The following RBFOX1 variants were observed in gnomAD, a reference collection of about 807,000 sequenced individuals.
The protein encoded by RBFOX1 is RNA binding protein fox-1 homolog 1.
In RBFOX1, 8 loss-of-function variants were observed where a neutral mutation model predicts 57.7. That is an observed-to-expected ratio of 0.14 (90% CI 0.08 to 0.25). RBFOX1 has a LOEUF of 0.25. RBFOX1 is among the 10% of genes least tolerant of loss of function. The probability of loss-of-function intolerance (pLI) is 1.00; values close to 1 mark genes in which losing one functional copy is unlikely to be tolerated. For missense variants in RBFOX1, 611 were observed against 548.5 expected (o/e 1.11, Z -1.14); for synonymous variants, 326 against 222.4 (o/e 1.47, Z -4.15).
intron 4 of RBFOX1, among the ~76,000 whole-genome samples, chr16:7,302,510 C>G (rs968243013): frequency 1.1e-4 from 17 of 151,950 alleles, no homozygotes; most frequent in Admixed American, 3.3e-4. Context: ...GAGAGAGCCC[C>G]CATCCCCTCT....
At chr16:5,877,966 C>T (rs62017078) in intron 4 of RBFOX1, among the ~76,000 whole-genome samples, 20,614 of 152,214 alleles carry the variant, frequency 0.14, 1,901 homozygotes, top group Non-Finnish European at 0.19. Flanking sequence ...TGTCTCGGCT[C>T]CACCTCCAGA....
intron 14 of RBFOX1, among the ~76,000 whole-genome samples, chr16:7,707,339 T>G (rs540782714): frequency 6.6e-6 from 1 of 152,228 alleles, no homozygotes; most frequent in African/African-American, 2.4e-5. Context: ...GTCAAACATG[T>G]ATTGGATTGG....
Position 5,482,230 on chromosome 16 carries a change from C to G in RBFOX1, c.258+14976C>G, listed in dbSNP as rs74351517. ...GAGCCATGGAGCATCCAGGGTCGGG[C>G]AGCTCAAGCCTTCTTATTTCTCCAG... On this transcript the variant is annotated intron_variant, in intron 2 of 2. Coordinates refer to the RBFOX1 transcript ENST00000585867. Among the ~76,000 whole-genome samples the G allele has an allele frequency of 7.3e-3, 1,115 of 152,292 alleles. 13 individuals are homozygous for G. The highest frequency in any genetic ancestry group is 0.025 in the African/African-American group (1,043 of 41,550).
At chr16:7,353,729 G>T (rs191392739) in intron 4 of RBFOX1, among the ~76,000 whole-genome samples, 1 of 152,240 alleles carries the variant, frequency 6.6e-6, no homozygotes, top group Non-Finnish European at 1.5e-5. Context: ...TGTATGATTC[G>T]ATTTATATGA....
intron 4 of RBFOX1, among the ~76,000 whole-genome samples, chr16:7,202,192 C>A (rs953721907): frequency 6.6e-6 from 1 of 150,966 alleles, no homozygotes; most frequent in Non-Finnish European, 1.5e-5. Flanking sequence ...AAACAAATGG[C>A]CAATAAGCAC....
intron 3 of RBFOX1, among the ~76,000 whole-genome samples, chr16:6,698,425 C>T (rs1568263561): frequency 1.3e-5 from 2 of 152,136 alleles, no homozygotes; most frequent in Non-Finnish European, 2.9e-5. Flanking sequence ...TAAGACCATT[C>T]TTGTGAAGTT....
intron 1 of RBFOX1, among the ~76,000 whole-genome samples, chr16:6,139,116 G>T (rs2096692278): frequency 6.6e-6 from 1 of 152,086 alleles, no homozygotes; most frequent in Non-Finnish European, 1.5e-5. Context: ...AGAGTACTGT[G>T]TCCCAGGCTC....
chr16:5,367,500 C>A (rs903751345), intron 1 of RBFOX1, among the ~76,000 whole-genome samples: 2 of 152,146 alleles, frequency 1.3e-5, no homozygotes, highest in Non-Finnish European at 2.9e-5. Context: ...ATATGGGCAA[C>A]AGGGAAGGAG....
chr16:5,267,380 C>T (rs1390745484), intron 1 of RBFOX1, among the ~76,000 whole-genome samples: 1 of 151,562 alleles, frequency 6.6e-6, no homozygotes, highest in Non-Finnish European at 1.5e-5. Context: ...TCACTGCAAC[C>T]TCCGCCTCCT....
intron 3 of RBFOX1, among the ~76,000 whole-genome samples, chr16:5,649,512 G>A (rs2049163194): frequency 6.6e-6 from 1 of 152,104 alleles, no homozygotes; most frequent in South Asian, 2.1e-4. Flanking sequence ...CCCCACATTG[G>A]CAGTTGTTAT....
At chr16:6,195,034 T>C (rs1400179289) in intron 1 of RBFOX1, among the ~76,000 whole-genome samples, 1 of 152,210 alleles carries the variant, frequency 6.6e-6, no homozygotes, top group Non-Finnish European at 1.5e-5. Context: ...GGCCAGTTTT[T>C]CCTTGCCCCC....
chr16:5,956,688 A>G (rs2059650450), intron 4 of RBFOX1, among the ~76,000 whole-genome samples: 1 of 28,250 alleles, frequency 3.5e-5, no homozygotes, highest in South Asian at 7.8e-4. Flanking sequence ...ATTTTTTTTG[A>G]GGCACAGTCT....
intron 4 of RBFOX1, among the ~76,000 whole-genome samples, chr16:5,999,564 G>T (rs868186962): frequency 6.6e-6 from 1 of 152,162 alleles, no homozygotes; most frequent in Admixed American, 6.5e-5. Flanking sequence ...AGGGTTGGCC[G>T]GGCGCCGCTG....
At chr16:5,342,975 C>A (rs1232698237) in intron 1 of RBFOX1, among the ~76,000 whole-genome samples, 1 of 152,116 alleles carries the variant, frequency 6.6e-6, no homozygotes, top group African/African-American at 2.4e-5. Flanking sequence ...TTCTATTACT[C>A]CAGTGATCGG....
At chr16:6,510,473 G>A (rs772258031) in intron 2 of RBFOX1, among the ~76,000 whole-genome samples, 6 of 152,200 alleles carry the variant, frequency 3.9e-5, no homozygotes, top group Non-Finnish European at 7.3e-5. Context: ...TTTGGTCACA[G>A]AGGAGACCAG....
intron 1 of RBFOX1, among the ~76,000 whole-genome samples, chr16:6,104,364 A>C (rs1342518006): frequency 1.3e-5 from 2 of 152,222 alleles, no homozygotes; most frequent in Admixed American, 1.3e-4. Context: ...ACCTTCTTCC[A>C]AGAGTCAAGT....
At chr16:6,732,717 C>G (rs144298168) in intron 3 of RBFOX1, among the ~76,000 whole-genome samples, 7 of 152,306 alleles carry the variant, frequency 4.6e-5, no homozygotes, top group Non-Finnish European at 7.4e-5. Flanking sequence ...GCACATAAGC[C>G]TGATTTATGC....
At chr16:7,098,871 A>G (rs925461017) in intron 4 of RBFOX1, among the ~76,000 whole-genome samples, 10 of 152,070 alleles carry the variant, frequency 6.6e-5, no homozygotes, top group South Asian at 2.1e-4. Flanking sequence ...TCCTTATCCT[A>G]TTTTTTGCAG....
At chr16:5,759,734 C>G (rs2053528724) in intron 3 of RBFOX1, among the ~76,000 whole-genome samples, 2 of 152,160 alleles carry the variant, frequency 1.3e-5, no homozygotes, top group Non-Finnish European at 2.9e-5. Context: ...GCAGTTACCA[C>G]TTTGGCTGGC....
Sources: gnomAD v4.1 joint callset for allele counts (sites outside exome capture counted in the v4.1 genomes callset) on GRCh38, gnomAD v4.1.1 for gene constraint, MANE v1.5 for transcripts, NCBI Gene and HGNC (gene_info 2026-07-23, HGNC 2026-07-21) for gene names.